KCNK10: variants seen among roughly 807,000 people sequenced by gnomAD.
KCNK10 encodes the protein potassium two pore domain channel subfamily K member 10.
Under a neutral mutation model 47.7 loss-of-function variants are expected in KCNK10, and 25 were observed. The ratio of observed to expected loss-of-function variants is 0.52; its 90% CI spans 0.38 to 0.73. The LOEUF (loss-of-function observed/expected upper bound fraction) is 0.73. KCNK10 is among the 30% of genes least tolerant of loss of function. The pLI is 0.00. For synonymous variants in KCNK10, 303 were observed against 285.6 expected (o/e 1.06, Z -0.61); for missense variants, 563 against 714.5 (o/e 0.79, Z 2.42).
intron 1 of KCNK10, among the ~76,000 whole-genome samples, chr14:88,319,137 A>G (rs1449391533): frequency 6.6e-6 from 1 of 152,194 alleles, no homozygotes; most frequent in African/African-American, 2.4e-5. Context: ...ATGAATATGA[A>G]GGAAGGCCAT....
chr14:88,322,924 G>A lies in KCNK10; in HGVS notation c.-126C>T, dbSNP rs1888579025. ...CCGAGGATGGGGGAGCCTTGGACTG[G>A]CTCGTGGAGGAACCCCAGAAAAAGA... On this transcript the variant is annotated 5_prime_UTR_variant, in exon 1 of 7. Transcript: ENST00000319231. The surrounding 1 kb of genome is among the most constrained non-coding windows in gnomAD (Gnocchi z 4.8). 9 of 1,533,722 alleles carry A rather than the reference G, an allele frequency of 5.9e-6. 1 individual carries two copies. The South Asian group carries it at 1.1e-4, about 19-fold the overall frequency.
At chr14:88,261,697 C>A (rs1204148585) in intron 2 of KCNK10, among the ~76,000 whole-genome samples, 1 of 151,730 alleles carries the variant, frequency 6.6e-6, no homozygotes, top group Non-Finnish European at 1.5e-5. Flanking sequence ...GAAGTTGAAC[C>A]TGCAATGAGC....
chr14:88,286,387 T>G (rs1245184414), intron 1 of KCNK10, among the ~76,000 whole-genome samples: 1 of 152,126 alleles, frequency 6.6e-6, no homozygotes, highest in Non-Finnish European at 1.5e-5. Flanking sequence ...TGCATCTATA[T>G]TGTGATAGAG....
At chr14:88,319,449 A>C (rs896178943) in intron 1 of KCNK10, among the ~76,000 whole-genome samples, 1 of 152,174 alleles carries the variant, frequency 6.6e-6, no homozygotes, top group Non-Finnish European at 1.5e-5. Flanking sequence ...GCTCCCCTTC[A>C]TCTTTTCCCT....
rs1352690332 is a variant in KCNK10 at position 88,185,837 on chromosome 14, A to C, written c.1330T>G (p.Ser444Ala). The change falls in exon 7 of 7, where the codon TCC becomes GCC. Residue 444 changes from serine (S) to alanine (A), a missense_variant. Ser to Ala is a moderately conservative substitution (Grantham distance 99). Transcript: ENST00000319231. The surrounding 1 kb of genome is among the most constrained non-coding windows in gnomAD (Gnocchi z 4.3). ...AACTTGTTGATGATGTTGTCCTCGG[A>C]CGCACCCTGCCCATGCTTGTTCAGC... ...EQLNKHGQGA[S>A]EDNIINKFGS... 1 of 1,614,000 alleles carries C rather than the reference A, an allele frequency of 6.2e-7. No individual in the cohort carries two copies. The highest frequency in any genetic ancestry group is 1.1e-5 in the South Asian group (1 of 91,058).
chr14:88,208,577 T>A (rs772211455), intron 4 of KCNK10, among the ~76,000 whole-genome samples: 1 of 152,208 alleles, frequency 6.6e-6, no homozygotes, highest in Non-Finnish European at 1.5e-5. Context: ...GAATACCATA[T>A]GGCATTTACA....
rs201294051 is a variant in KCNK10 at position 88,185,590 on chromosome 14, G to A, written c.1577C>T (p.Thr526Met). 5.0e-5 allele frequency: 80 copies of A among 1,614,042 alleles called. No individual in the cohort carries two copies. The highest frequency in any genetic ancestry group is 1.2e-4 in the African/African-American group (9 of 74,988). ...CTCCGGCTCCCGGTCTTTGGTGTCC[G>A]TGGGTATCATTCCGTTCTCCAACTC... ...HAELENGMIP[T>M]DTKDREPENN... The change falls in exon 7 of 7, where the codon ACG (threonine) becomes ATG (methionine). Residue 526 changes from threonine (T) to methionine (M), a missense_variant. By Grantham distance (81) the Thr-to-Met change is moderately conservative (BLOSUM62 -1). Transcript: ENST00000319231. This position sits in a 1 kb window ranked among gnomAD's most constrained non-coding sequence, Gnocchi z 4.3.
intron 1 of KCNK10, among the ~76,000 whole-genome samples, chr14:88,296,521 G>A (rs1322856410): frequency 6.6e-6 from 1 of 152,152 alleles, no homozygotes. Flanking sequence ...CTTGGTATGA[G>A]TCCTATCTCC....
At chr14:88,236,556 G>A (rs1015093922) in intron 3 of KCNK10, among the ~76,000 whole-genome samples, 6 of 152,230 alleles carry the variant, frequency 3.9e-5, no homozygotes, top group East Asian at 1.9e-4. Flanking sequence ...ATAGAGCTAC[G>A]ACTAAAACAA....
Position 88,231,838 on chromosome 14 carries a change from C to A in KCNK10, c.521-4303G>T, listed in dbSNP as rs902025665. On this transcript the variant is annotated intron_variant, in intron 3 of 6. Coordinates refer to ENST00000319231, the MANE Select transcript of KCNK10 (RefSeq NM_138317.3). Reference sequence around the variant, plus strand: ...TCCATATATCTCAGCACAAGAAAAACCTTCTTCAAAAAGAAGTGCTTTGAT... The same window carrying A: ...TCCATATATCTCAGCACAAGAAAAAACTTCTTCAAAAAGAAGTGCTTTGAT... 7.2e-5 allele frequency among the ~76,000 whole-genome samples: 11 copies of A among 152,156 alleles called. No individual in the cohort carries two copies. In the South Asian group the frequency reaches 8.3e-4, roughly 11 times the overall value.
At chr14:88,275,215 T>C (rs371658232) in intron 1 of KCNK10, among the ~76,000 whole-genome samples, 3 of 152,138 alleles carry the variant, frequency 2.0e-5, no homozygotes, top group East Asian at 3.9e-4. Flanking sequence ...TATTCTTGTG[T>C]CAAACCCGCA....
intron 1 of KCNK10, among the ~76,000 whole-genome samples, chr14:88,272,993 A>G (rs1366822908): frequency 6.6e-6 from 1 of 152,206 alleles, no homozygotes; most frequent in Non-Finnish European, 1.5e-5. Context: ...CAGCTCCTGT[A>G]GCCCATCCAG....
At chr14:88,212,737 T>G (rs1172638510) in intron 4 of KCNK10, among the ~76,000 whole-genome samples, 2 of 152,174 alleles carry the variant, frequency 1.3e-5, no homozygotes, top group African/African-American at 4.8e-5. Context: ...CAAGACATAG[T>G]GCAAAACCAT....
chr14:88,212,124 ATATATATC>A (rs946514458), intron 4 of KCNK10, among the ~76,000 whole-genome samples: 14 of 74,110 alleles, frequency 1.9e-4, no homozygotes, highest in African/African-American at 6.1e-4. Flanking sequence ...ATATATATAT[ATATATATC>A]GAGAGAGAGA....
chr14:88,240,588 G>T (rs190028370), intron 3 of KCNK10, 115 bp downstream of exon 3: 4 of 666,004 alleles, frequency 6.0e-6, no homozygotes, highest in African/African-American at 5.3e-5. Context: ...ACAGTGTTTC[G>T]TAAGCCTCCT....
At chr14:88,257,572 G>A (rs181633967) in intron 2 of KCNK10, among the ~76,000 whole-genome samples, 86 of 152,322 alleles carry the variant, frequency 5.6e-4, no homozygotes, top group African/African-American at 2.0e-3. Flanking sequence ...TGGTGGTTCA[G>A]AGCCTGGGAT....
At chr14:88,263,848 A>C (rs140160432) in intron 1 of KCNK10, among the ~76,000 whole-genome samples, 73 of 152,332 alleles carry the variant, frequency 4.8e-4, no homozygotes, top group African/African-American at 1.6e-3. Context: ...TGCCATTTAT[A>C]ATTCACCTCC....
intron 3 of KCNK10, among the ~76,000 whole-genome samples, chr14:88,239,861 AAAAATAAAATAAAAT>A (rs147985522): frequency 1.7e-4 from 25 of 144,584 alleles, no homozygotes; most frequent in South Asian, 6.7e-4. Context: ...CTCCATCTCA[AAAAATAAAATAAAAT>A]AAAATAAAAT....
At chr14:88,286,024 C>G (rs1439447665) in intron 1 of KCNK10, among the ~76,000 whole-genome samples, 2 of 152,188 alleles carry the variant, frequency 1.3e-5, no homozygotes, top group Non-Finnish European at 2.9e-5. Context: ...GATCCAGCTG[C>G]CACACTGTGA....
Sources: gnomAD v4.1 joint callset for allele counts (sites outside exome capture counted in the v4.1 genomes callset) on GRCh38, gnomAD v4.1.1 for gene constraint, Gnocchi (gnomAD v3.1) non-coding constraint, MANE v1.5 for transcripts, NCBI Gene and HGNC (gene_info 2026-07-23, HGNC 2026-07-21) for gene names.